Variants in DCTD observed in about 807,000 individuals in gnomAD.
The protein encoded by DCTD is dCMP deaminase.
DCTD carries 23 observed loss-of-function variants against 21.0 expected under a neutral mutation model. The observed-to-expected ratio is 1.09, with a 90% CI of 0.79 to 1.55. The LOEUF (loss-of-function observed/expected upper bound fraction) is 1.55, where lower values mean the gene tolerates loss of function less well. DCTD is among the 40% of genes most tolerant of loss of function. The pLI is 0.00. For synonymous variants in DCTD, 71 were observed against 81.1 expected (o/e 0.88, Z 0.67); for missense variants, 224 against 230.0 (o/e 0.97, Z 0.17).
At chr4:182,896,063 C>T (rs897775554) in intron 3 of DCTD, among the ~76,000 whole-genome samples, 2 of 152,224 alleles carry the variant, frequency 1.3e-5, no homozygotes, top group Non-Finnish European at 1.5e-5. Flanking sequence ...TTCAAGGTCT[C>T]CCCTACCCTC....
intron 3 of DCTD, among the ~76,000 whole-genome samples, chr4:182,907,504 T>C (rs1026261425): frequency 6.6e-6 from 1 of 152,204 alleles, no homozygotes; most frequent in Non-Finnish European, 1.5e-5. Flanking sequence ...TGCATGTCTG[T>C]GGAGTAACCT....
Position 182,893,119 on chromosome 4 carries a change from C to A in DCTD, c.370G>T (p.Glu124Ter), listed in dbSNP as rs774550136. ...TATTTATCAGACATGAAAATCACTT[C>A]TTTTATACCTGTAAGGTAACAATGG... is the stretch of plus-strand genomic sequence containing the variant. Reference protein sequence around the residue: ...AKLIIQAGIKEVIFMSDKYHD... With the variant: ...AKLIIQAGIK Residue 124 changes from glutamate (E) to a stop codon, truncating the protein, a stop_gained, in exon 5 of 6, where the codon GAA becomes TAA. Transcript: ENST00000438320. LOFTEE classifies it high-confidence loss of function. 1 of 1,597,634 alleles carries A rather than the reference C, an allele frequency of 6.3e-7. No individual in the cohort carries two copies. Among genetic ancestry groups the A allele is most frequent in the Non-Finnish European group, 8.6e-7 (1 of 1,166,602 alleles).
Position 182,915,032 on chromosome 4 carries a change from T to G in DCTD, c.135A>C (p.Glu45Asp), listed in dbSNP as rs755220679. The G allele has an allele frequency of 2.5e-6, 4 of 1,614,228 alleles. No homozygotes were observed. In the South Asian group the frequency reaches 4.4e-5, roughly 18 times the overall value. Reference sequence around the variant, plus strand: ...TGTACCCAATCCCGACAATCTTGTTTTCTGAATTCACGATGCAGGCGCCGA... The same window carrying G: ...TGTACCCAATCCCGACAATCTTGTTGTCTGAATTCACGATGCAGGCGCCGA... ...SQVGACIVNS[E>D]NKIVGIGYNG... The change falls in exon 3 of 6, where the codon GAA becomes GAC. Residue 45 changes from glutamate (E) to aspartate (D), a missense_variant. Glu to Asp is a conservative substitution (Grantham distance 45). Transcript: ENST00000438320.
At chr4:182,916,625 A>AC (rs539764440) in intron 1 of DCTD, 3 of 996,860 alleles carry the variant, frequency 3.0e-6, no homozygotes, top group Non-Finnish European at 3.6e-6. Context: ...AGGCCTGGCA[A>AC]CCCCCCTAAC....
chr4:182,890,516 CT>C lies in DCTD; in HGVS notation c.*882del, dbSNP rs1483185828. On this transcript the variant is annotated 3_prime_UTR_variant, in exon 6 of 6. Coordinates refer to ENST00000438320, the MANE Select transcript of DCTD (RefSeq NM_001921.3). The stretch of plus-strand genomic sequence containing the variant: ...GTTGCAGAGGGGCCTTGTACATGAA[CT>C]GCGTTGGCATGCGGAGGAGGGGCAA... 6.6e-6 allele frequency: 1 copy of C among 152,232 alleles called. No individual in the cohort carries two copies. Among genetic ancestry groups the C allele is most frequent in the Non-Finnish European group, 1.5e-5 (1 of 68,052 alleles). The allele number at this position is 152,232 out of a possible 1,614,324, so 9.4% of individuals were successfully genotyped here. A position where few individuals can be genotyped will look rare whatever the true frequency, so the allele number is the denominator to read the frequency against.
At chr4:182,894,674 A>G (rs927368547) in intron 3 of DCTD, 69 bp from the exon 4 acceptor site, 3 of 904,088 alleles carry the variant, frequency 3.3e-6, no homozygotes, top group African/African-American at 1.6e-5. Context: ...AAGTGTTAAC[A>G]CATTCCATTC....
intron 3 of DCTD, among the ~76,000 whole-genome samples, chr4:182,896,950 C>T (rs1005273591): frequency 2.6e-5 from 4 of 152,074 alleles, no homozygotes; most frequent in African/African-American, 4.8e-5. Flanking sequence ...CAGAAATATG[C>T]TCTCCCATCT....
intron 3 of DCTD, among the ~76,000 whole-genome samples, chr4:182,903,312 C>A (rs1035681613): frequency 2.6e-5 from 4 of 152,190 alleles, no homozygotes; most frequent in Non-Finnish European, 5.9e-5. Flanking sequence ...GCCTACCTGT[C>A]CTTGGCATCC....
Position 182,891,005 on chromosome 4 carries a change from C to T in DCTD, c.*394G>A, listed in dbSNP as rs761723367. On this transcript the variant is annotated 3_prime_UTR_variant, in exon 6 of 6. Transcript: ENST00000438320. ...TGTGTCTGCTCGTCCCCATTAAGAACACAACCACAATTATTTATTTGTCCT... is the reference window on the plus strand; with the variant it reads ...TGTGTCTGCTCGTCCCCATTAAGAATACAACCACAATTATTTATTTGTCCT... The T allele has an allele frequency of 1.9e-4, 34 of 175,290 alleles. No homozygotes were observed. Among genetic ancestry groups the T allele is most frequent in the Non-Finnish European group, 3.8e-4 (31 of 82,000 alleles). The allele number at this position is 175,290 out of a possible 1,614,324, so 10.9% of individuals were successfully genotyped here. A position where few individuals can be genotyped will look rare whatever the true frequency, so the allele number is the denominator to read the frequency against.
chr4:182,906,900 G>A (rs13132293), intron 3 of DCTD, among the ~76,000 whole-genome samples: 9,242 of 152,254 alleles, frequency 0.061, 333 homozygotes, highest in South Asian at 0.1. Flanking sequence ...CAAGGGGAGC[G>A]CCCATTCCCT....
In DCTD at chr4:182,893,673, C is replaced by G. The variant is rs113629497; in HGVS notation, c.362-546G>C. ...CCGCTGCTCCATCAGCCTCTGAAGG[C>G]AGAGGAGGCTGCAGTGTGGGGCCCG... On this transcript the variant is annotated intron_variant, in intron 4 of 5. Coordinates refer to ENST00000438320, the MANE Select transcript of DCTD (RefSeq NM_001921.3). Among the ~76,000 whole-genome samples the G allele has an allele frequency of 2.3e-3, 344 of 152,384 alleles. 3 individuals carry two copies. The highest frequency in any genetic ancestry group is 8.1e-3 in the African/African-American group (336 of 41,598).
At chr4:182,917,458 C>A (rs1738951567), upstream of DCTD, 1 of 470,128 alleles carries the variant, frequency 2.1e-6, no homozygotes, top group East Asian at 1.5e-4. The surrounding 1 kb of genome is among the most constrained non-coding windows in gnomAD (Gnocchi z 4.9). Flanking sequence ...CGGCGGCTGG[C>A]CCCGGGGGCC....
chr4:182,897,103 G>C (rs1026468688), intron 3 of DCTD, among the ~76,000 whole-genome samples: 5 of 152,174 alleles, frequency 3.3e-5, no homozygotes, highest in African/African-American at 1.2e-4. Flanking sequence ...AGGCAGTTTG[G>C]GGCAAAATTT....
intron 3 of DCTD, among the ~76,000 whole-genome samples, chr4:182,914,125 A>G (rs1579782787): frequency 6.6e-6 from 1 of 152,254 alleles, no homozygotes; most frequent in East Asian, 1.9e-4. Context: ...CTCCTTCCTC[A>G]GCCTCCCGAG....
intron 3 of DCTD, among the ~76,000 whole-genome samples, chr4:182,895,268 A>C (rs1311412558): frequency 6.6e-6 from 1 of 152,128 alleles, no homozygotes. Context: ...ATGGAGTCTC[A>C]CTATGTTGCC....
intron 3 of DCTD, among the ~76,000 whole-genome samples, chr4:182,897,506 CCA>C (rs1491468402): frequency 8.3e-4 from 101 of 120,978 alleles, no homozygotes; most frequent in Non-Finnish European, 1.4e-3. Flanking sequence ...TATTTAGCAC[CCA>C]TATATATATA....
At chr4:182,916,306 C>T (rs1043349855) in intron 1 of DCTD, 1 of 877,262 alleles carries the variant, frequency 1.1e-6, no homozygotes, top group African/African-American at 1.8e-5. Context: ...CAGAGACTGT[C>T]TACGGCAGGG....
At chr4:182,892,710 T>C (rs1248073254) in intron 5 of DCTD, among the ~76,000 whole-genome samples, 2 of 152,230 alleles carry the variant, frequency 1.3e-5, no homozygotes, top group Admixed American at 1.3e-4. Flanking sequence ...TTGTTACATT[T>C]GCAAAATTCA....
intron 3 of DCTD, among the ~76,000 whole-genome samples, chr4:182,896,110 G>C (rs1337131129): frequency 6.6e-6 from 1 of 152,172 alleles, no homozygotes; most frequent in Non-Finnish European, 1.5e-5. Flanking sequence ...ACACTTCCAG[G>C]AGTTCTGAGG....
Sources: gnomAD v4.1 joint callset for allele counts (sites outside exome capture counted in the v4.1 genomes callset) on GRCh38, gnomAD v4.1.1 for gene constraint, Gnocchi (gnomAD v3.1) non-coding constraint, MANE v1.5 for transcripts, NCBI Gene and HGNC (gene_info 2026-07-23, HGNC 2026-07-21) for gene names.